Variants in TMEM132C observed in about 807,000 individuals in gnomAD.
TMEM132C encodes the protein transmembrane protein 132C.
A neutral mutation model predicts 61.4 loss-of-function variants in TMEM132C; 29 were observed. The ratio of observed to expected loss-of-function variants is 0.47; its 90% CI spans 0.35 to 0.64. The LOEUF is 0.64. TMEM132C is among the 30% of genes least tolerant of loss of function. The probability of loss-of-function intolerance (pLI) is 0.00; values close to 1 mark genes in which losing one functional copy is unlikely to be tolerated. For missense variants in TMEM132C, 1,408 were observed against 1,476.9 expected, an observed-to-expected ratio of 0.95 and a Z score of 0.76; for synonymous variants, 656 against 633.1, an observed-to-expected ratio of 1.04 and a Z score of -0.54.
chr12:128,422,989 A>G (rs560434713), intron 2 of TMEM132C, among the ~76,000 whole-genome samples: 3 of 152,270 alleles, frequency 2.0e-5, no homozygotes, highest in African/African-American at 7.2e-5. Context: ...TGAAAATAGA[A>G]CAGCAATTAC....
intron 1 of TMEM132C, among the ~76,000 whole-genome samples, chr12:128,277,967 G>C (rs1284085043): frequency 1.3e-5 from 2 of 151,978 alleles, no homozygotes; most frequent in Non-Finnish European, 2.9e-5. Context: ...CCTCCAATAA[G>C]AGATGGGCAC....
At chr12:128,658,508 G>A (rs1954352175) in intron 4 of TMEM132C, among the ~76,000 whole-genome samples, 1 of 151,480 alleles carries the variant, frequency 6.6e-6, no homozygotes, top group African/African-American at 2.4e-5. Context: ...AGGAAGACAT[G>A]ATCTTTTTTT....
At chr12:128,447,239 C>T (rs1593056614) in intron 2 of TMEM132C, among the ~76,000 whole-genome samples, 1 of 152,144 alleles carries the variant, frequency 6.6e-6, no homozygotes, top group Non-Finnish European at 1.5e-5. Flanking sequence ...GCATGATTGG[C>T]TGAGTTTGGC....
rs988627665 is a variant in TMEM132C, at chr12:128,366,633, A to T, written c.86-48099A>T. On this transcript the variant is annotated intron_variant, in intron 1 of 8. Transcript: ENST00000435159. ...CGTGCCCCAGCCTCACACAGGCAGCAGGGAAGATAGTGGGAGAACCCTTTT... is the reference window on the plus strand; with the variant it reads ...CGTGCCCCAGCCTCACACAGGCAGCTGGGAAGATAGTGGGAGAACCCTTTT... Among the ~76,000 whole-genome samples the T allele has an allele frequency of 6.6e-5, 10 of 152,322 alleles. No individual in the cohort carries two copies. The East Asian group carries it at 1.9e-3, about 29-fold the overall frequency.
At chr12:128,305,222 T>C (rs947605228) in intron 1 of TMEM132C, among the ~76,000 whole-genome samples, 1 of 151,980 alleles carries the variant, frequency 6.6e-6, no homozygotes, top group African/African-American at 2.4e-5. Context: ...TAATAATAAT[T>C]ATTATTATAA....
intron 4 of TMEM132C, among the ~76,000 whole-genome samples, chr12:128,643,391 C>A (rs1009662833): frequency 1.5e-4 from 23 of 152,142 alleles, no homozygotes; most frequent in Admixed American, 1.5e-3. Context: ...CACGTTCTGG[C>A]GGATACTCCC....
chr12:128,642,337 G>T (rs1954164096), intron 4 of TMEM132C, among the ~76,000 whole-genome samples: 2 of 152,046 alleles, frequency 1.3e-5, no homozygotes, highest in South Asian at 4.1e-4. Flanking sequence ...TCACTGTGTT[G>T]CCCAGGCTGG....
intron 1 of TMEM132C, among the ~76,000 whole-genome samples, chr12:128,397,817 T>C (rs1181662818): frequency 1.3e-5 from 2 of 152,128 alleles, no homozygotes; most frequent in Admixed American, 1.3e-4. Context: ...CATGCTGTCT[T>C]CTTCCCATCT....
intron 2 of TMEM132C, among the ~76,000 whole-genome samples, chr12:128,533,940 T>C (rs1483879575): frequency 1.6e-5 from 2 of 123,060 alleles, no homozygotes; most frequent in East Asian, 4.8e-4. Flanking sequence ...TCCTCACACA[T>C]GCGCACATAC....
chr12:128,669,370 G>T (rs1954507563), intron 4 of TMEM132C, 47 bp from the exon 5 acceptor site: 1 of 1,546,256 alleles, frequency 6.5e-7, no homozygotes, highest in Admixed American at 2.0e-5. Flanking sequence ...GTTCCCAACA[G>T]AATGGAATAT....
At position 128,654,771 on chromosome 12, in the gene TMEM132C, C is replaced by T. The variant is rs549760266; in HGVS notation, c.1306-14646C>T. Among the ~76,000 whole-genome samples the T allele has an allele frequency of 2.4e-4, 37 of 152,268 alleles. No individual in the cohort carries two copies. In the East Asian group the frequency reaches 6.8e-3, roughly 28 times the overall value. On this transcript the variant is annotated intron_variant, in intron 4 of 8. Coordinates refer to ENST00000435159, the MANE Select transcript of TMEM132C (RefSeq NM_001136103.3). ...TTAATTGGTACACTGTTGCACTGTG[C>T]TAAGATTTCTAGAAGGAATTGCAAA...
chr12:128,401,678 T>C (rs1875163254), intron 1 of TMEM132C, among the ~76,000 whole-genome samples: 1 of 152,182 alleles, frequency 6.6e-6, no homozygotes, highest in Non-Finnish European at 1.5e-5. Flanking sequence ...TTCTCCCAGT[T>C]ATTTAGTGGA....
chr12:128,369,463 CTG>C (rs1873965729), intron 1 of TMEM132C, among the ~76,000 whole-genome samples: 1 of 152,150 alleles, frequency 6.6e-6, no homozygotes, highest in Non-Finnish European at 1.5e-5. Context: ...GCTGAGAAAA[CTG>C]AGGCTTTACA....
chr12:128,638,150 G>A (rs1225593101), intron 4 of TMEM132C, among the ~76,000 whole-genome samples: 1 of 152,130 alleles, frequency 6.6e-6, no homozygotes, highest in Admixed American at 6.5e-5. Context: ...GTGACTGAAG[G>A]CTAAATAATG....
In TMEM132C at chr12:128,655,986, T is replaced by C. The variant is rs568004122; in HGVS notation, c.1306-13431T>C. Reference sequence around the variant, plus strand: ...CATACATAAGTAAGGCCATGACCACTATTAGTCATCAGAGATTTAGGCTTC... The same window carrying C: ...CATACATAAGTAAGGCCATGACCACCATTAGTCATCAGAGATTTAGGCTTC... On this transcript the variant is annotated intron_variant, in intron 4 of 8. Coordinates refer to ENST00000435159, the MANE Select transcript of TMEM132C (RefSeq NM_001136103.3). Among the ~76,000 whole-genome samples, 12 of 152,316 alleles carry C rather than the reference T, an allele frequency of 7.9e-5. No individual in the cohort carries two copies. The East Asian group carries it at 2.1e-3, about 27-fold the overall frequency.
chr12:128,267,425 C>T lies in TMEM132C; in HGVS notation c.23C>T (p.Pro8Leu). MRSEGAAPGPAAPLCGAL... is the reference protein window; with the variant it reads MRSEGAALGPAAPLCGAL... ...AGGATGCGCTCCGAGGGTGCGGCCCCCGGGCCGGCGGCGCCGCTGTGCGGG... is the reference window on the plus strand; with the variant it reads ...AGGATGCGCTCCGAGGGTGCGGCCCTCGGGCCGGCGGCGCCGCTGTGCGGG... Residue 8 changes from proline to leucine, a missense_variant, in exon 1 of 9, where the codon CCC becomes CTC. Coordinates refer to ENST00000435159, the MANE Select transcript of TMEM132C (RefSeq NM_001136103.3). 8.1e-7 allele frequency: 1 copy of T among 1,238,922 alleles called. No homozygotes were observed. 76.7% of individuals were successfully genotyped at this position (1,238,922 alleles called of 1,614,324 possible). A position where few individuals can be genotyped will look rare whatever the true frequency, so the allele number is the denominator to read the frequency against.
At chr12:128,493,443 T>C (rs144292060) in intron 2 of TMEM132C, among the ~76,000 whole-genome samples, 9,855 of 152,288 alleles carry the variant, frequency 0.065, 382 homozygotes, top group Middle Eastern at 0.1. Flanking sequence ...CCTTGGGCAG[T>C]ATGGCCATTT....
intron 1 of TMEM132C, among the ~76,000 whole-genome samples, chr12:128,294,862 A>T (rs1871353352): frequency 6.6e-6 from 1 of 152,154 alleles, no homozygotes; most frequent in South Asian, 2.1e-4. Flanking sequence ...TTTTCAAGGA[A>T]CAAAGACGTT....
chr12:128,493,792 C>T (rs954587421), intron 2 of TMEM132C, among the ~76,000 whole-genome samples: 3 of 152,194 alleles, frequency 2.0e-5, no homozygotes, highest in African/African-American at 7.2e-5. Context: ...ATGTCATCTG[C>T]AAACAGGGAC....
Sources: allele counts gnomAD v4.1 joint callset (sites outside exome capture counted in the v4.1 genomes callset), GRCh38; gene constraint gnomAD v4.1.1; transcripts MANE v1.5; gene names NCBI Gene and HGNC (gene_info 2026-07-23, HGNC 2026-07-21).